GLRA2: variants seen among roughly 807,000 people sequenced by gnomAD.
The protein encoded by GLRA2 is glycine receptor subunit alpha-2.
GLRA2 carries 11 observed loss-of-function variants against 31.6 expected under a neutral mutation model. The observed-to-expected ratio is 0.35, with a 90% confidence interval of 0.22 to 0.58. The LOEUF (loss-of-function observed/expected upper bound fraction) is 0.58. GLRA2 is among the 20% of genes least tolerant of loss of function. The pLI is 0.84. For missense variants in GLRA2, 212 were observed against 351.8 expected (o/e 0.60, Z 3.18); for synonymous variants, 132 against 134.0 (o/e 0.99, Z 0.10).
the GLRA2 span, among the ~76,000 whole-genome samples, chrX:14,469,172 A>C: frequency 5.4e-5 from 6 of 111,302 alleles, no homozygotes; most frequent in East Asian, 2.8e-4. Context: ...TAGTTTAATT[A>C]GATCCCATTT....
At chrX:14,691,370 C>A (rs2091359158) in intron 8 of GLRA2, among the ~76,000 whole-genome samples, 1 of 103,773 alleles carries the variant, frequency 9.6e-6, no homozygotes, top group South Asian at 4.4e-4. Flanking sequence ...GACTTTTTTT[C>A]ATCAATTGCT....
At chrX:14,471,753 C>T in the GLRA2 span, among the ~76,000 whole-genome samples, 3 of 112,143 alleles carry the variant, frequency 2.7e-5, no homozygotes, top group Admixed American at 9.4e-5. Context: ...CACATATTTT[C>T]AGCTAATTTG....
At chrX:14,471,319 A>C in the GLRA2 span, among the ~76,000 whole-genome samples, 11 of 111,893 alleles carry the variant, frequency 9.8e-5, no homozygotes, top group African/African-American at 3.6e-4. Flanking sequence ...GGGCACCTTC[A>C]ACTGATATCT....
chrX:14,573,989 C>T (rs772106186), intron 2 of GLRA2, among the ~76,000 whole-genome samples: 34 of 110,556 alleles, frequency 3.1e-4, no homozygotes, highest in Admixed American at 5.8e-4. Flanking sequence ...ACGAGGGAAC[C>T]GCTGTTGATG....
At chrX:14,690,894 T>C in intron 8 of GLRA2, 35 bp downstream of exon 8, 1 of 1,183,783 alleles carries the variant, frequency 8.4e-7, no homozygotes, top group Non-Finnish European at 1.1e-6. Context: ...AATGTAGAGC[T>C]TGAGTTGGTT....
chrX:14,505,425 T>C, the GLRA2 span, among the ~76,000 whole-genome samples: 1 of 111,664 alleles, frequency 9.0e-6, no homozygotes, highest in Admixed American at 9.5e-5. Flanking sequence ...ACAGAAACAG[T>C]TGATTATTCT....
chrX:14,623,808 T>G (rs1328833885), intron 7 of GLRA2, among the ~76,000 whole-genome samples: 4 of 111,325 alleles, frequency 3.6e-5, no homozygotes, highest in African/African-American at 9.8e-5. Flanking sequence ...GTCTAAAATT[T>G]TCTTTTTTTG....
intron 7 of GLRA2, among the ~76,000 whole-genome samples, chrX:14,650,506 A>G (rs1413244056): frequency 9.0e-6 from 1 of 111,031 alleles, no homozygotes; most frequent in Non-Finnish European, 1.9e-5. Context: ...GGAAGTCTCT[A>G]GTGTCAGAGA....
At chrX:14,486,571 T>C in the GLRA2 span, among the ~76,000 whole-genome samples, 2 of 111,625 alleles carry the variant, frequency 1.8e-5, no homozygotes, top group Admixed American at 9.5e-5. Context: ...AGAAGAGATA[T>C]ATGAATGCAA....
chrX:14,483,539 C>T, the GLRA2 span, among the ~76,000 whole-genome samples: 2 of 112,281 alleles, frequency 1.8e-5, no homozygotes, highest in African/African-American at 6.5e-5. Flanking sequence ...GTATTCATCT[C>T]TTACAAGAAA....
chrX:14,483,475 A>G, the GLRA2 span, among the ~76,000 whole-genome samples: 1 of 112,185 alleles, frequency 8.9e-6, no homozygotes, highest in South Asian at 3.7e-4. Flanking sequence ...TTGATGCTAC[A>G]TGCAACACAC....
chrX:14,657,990 C>A (rs999038741), intron 7 of GLRA2, among the ~76,000 whole-genome samples: 6 of 111,741 alleles, frequency 5.4e-5, no homozygotes, highest in Admixed American at 3.8e-4. Context: ...TAGGCACTGT[C>A]TTCATTACCA....
rs140893055 is a variant in GLRA2, at chrX:14,629,176, G to A, written c.930+19971G>A. On this transcript the variant is annotated intron_variant, in intron 7 of 8. Coordinates refer to ENST00000218075, the MANE Select transcript of GLRA2 (RefSeq NM_002063.4). ...AAAATGAAGACCCATAGGCTTGACC[G>A]AAGGACAACACATCAGGGTTGGAAG... is the stretch of plus-strand genomic sequence containing the variant. Among the ~76,000 whole-genome samples, 870 of 111,476 alleles carry A rather than the reference G, an allele frequency of 7.8e-3. 4 individuals carry two copies. The highest frequency in any genetic ancestry group is 0.012 in the Non-Finnish European group (657 of 52,989).
At chrX:14,496,567 C>G in the GLRA2 span, among the ~76,000 whole-genome samples, 1 of 111,934 alleles carries the variant, frequency 8.9e-6, no homozygotes, top group African/African-American at 3.2e-5. Context: ...TGCTTTCCAA[C>G]ATTATCTTAA....
At chrX:14,482,432 G>A in the GLRA2 span, among the ~76,000 whole-genome samples, 1 of 111,015 alleles carries the variant, frequency 9.0e-6, no homozygotes, top group African/African-American at 3.3e-5. Context: ...AATGCAGGAA[G>A]TGGAGGGTGG....
At chrX:14,668,378 C>T (rs977890743) in intron 7 of GLRA2, among the ~76,000 whole-genome samples, 1 of 112,135 alleles carries the variant, frequency 8.9e-6, no homozygotes, top group East Asian at 2.8e-4. Flanking sequence ...AGCAGATTAT[C>T]CAAGCACATG....
chrX:14,593,973 G>T (rs2090172625), intron 4 of GLRA2, among the ~76,000 whole-genome samples: 1 of 112,442 alleles, frequency 8.9e-6, no homozygotes, highest in Non-Finnish European at 1.9e-5. Context: ...TTAGCTGCTT[G>T]TTAAAAGTAA....
chrX:14,599,060 C>G (rs1043809931), intron 4 of GLRA2, among the ~76,000 whole-genome samples: 1 of 111,361 alleles, frequency 9.0e-6, no homozygotes, highest in Admixed American at 9.5e-5. Context: ...GGGAGACGGA[C>G]TTTCTTTGCT....
chrX:14,689,027 G>A (rs945118879), intron 7 of GLRA2, among the ~76,000 whole-genome samples: 34 of 111,745 alleles, frequency 3.0e-4, no homozygotes, highest in Non-Finnish European at 5.6e-4. Flanking sequence ...TACTATTATT[G>A]CTCCTATTTT....
Sources: allele counts gnomAD v4.1 joint callset (sites outside exome capture counted in the v4.1 genomes callset), GRCh38; gene constraint gnomAD v4.1.1; transcripts MANE v1.5; gene names NCBI Gene and HGNC (gene_info 2026-07-23, HGNC 2026-07-21).